The following SLC12A2 variants were observed in gnomAD, a reference collection of about 807,000 sequenced individuals.
SLC12A2 encodes Na-K-2Cl cotransporter 1.
SLC12A2 carries 67 observed loss-of-function variants against 136.3 expected under a neutral mutation model. The observed-to-expected ratio is 0.49, with a 90% CI of 0.40 to 0.60. The LOEUF (loss-of-function observed/expected upper bound fraction) is 0.60. Among genes scored for constraint, SLC12A2 ranks in the 20% least tolerant of loss-of-function variants. The pLI is 0.00. For synonymous variants in SLC12A2, 619 were observed against 562.9 expected, an observed-to-expected ratio of 1.10 and a Z score of -1.41; for missense variants, 1,322 against 1,534.7, an observed-to-expected ratio of 0.86 and a Z score of 2.32.
In SLC12A2 at chr5:128,111,781, AG is replaced by A. The variant is rs202033837; in HGVS notation, c.757-1032del. On this transcript the variant is annotated intron_variant, in intron 1 of 26. Coordinates refer to ENST00000262461, the MANE Select transcript of SLC12A2 (RefSeq NM_001046.3). Reference sequence around the variant, plus strand: ...CTCCATCTCAAAAAAAAAAAAAAAAAGTGTACGCATATATATATGTGTGTGT... The same window carrying A: ...CTCCATCTCAAAAAAAAAAAAAAAAATGTACGCATATATATATGTGTGTGT... 3.0e-3 allele frequency among the ~76,000 whole-genome samples: 450 copies of A among 148,376 alleles called. 1 individual carries two copies. Among genetic ancestry groups the A allele is most frequent in the African/African-American group, 0.011 (418 of 39,002 alleles).
intron 19 of SLC12A2, among the ~76,000 whole-genome samples, chr5:128,174,307 T>G (rs1172031774): frequency 6.6e-6 from 1 of 152,126 alleles, no homozygotes; most frequent in African/African-American, 2.4e-5. Context: ...GAGCATCATG[T>G]TAGGCATGTA....
rs566256689 is a variant in SLC12A2 at position 128,118,377 on chromosome 5, A to G, written c.1048+3696A>G. Among the ~76,000 whole-genome samples, 30 of 152,338 alleles carry G rather than the reference A, an allele frequency of 2.0e-4. 1 individual carries two copies. In the South Asian group the frequency reaches 5.0e-3, roughly 25 times the overall value. On this transcript the variant is annotated intron_variant, in intron 4 of 26. Coordinates refer to ENST00000262461, the MANE Select transcript of SLC12A2 (RefSeq NM_001046.3). ...AAATGTGGTATATATACACCATGGA[A>G]TACTATTCAGCCATCAAAAGGAATG...
chr5:128,161,827 C>T, intron 17 of SLC12A2, 27 bp downstream of exon 17: 2 of 1,371,070 alleles, frequency 1.5e-6, no homozygotes, highest in Non-Finnish European at 1.9e-6. Flanking sequence ...TTTTCAAATG[C>T]CTACATTTTA....
chr5:128,148,372 G>A (rs1169978991), intron 11 of SLC12A2, among the ~76,000 whole-genome samples: 1 of 151,762 alleles, frequency 6.6e-6, no homozygotes, highest in Admixed American at 6.6e-5. Flanking sequence ...AAGAAAGGTA[G>A]TTAAGTGTTA....
chr5:128,141,051 G>A (rs1762350290), intron 9 of SLC12A2, among the ~76,000 whole-genome samples: 1 of 151,954 alleles, frequency 6.6e-6, no homozygotes, highest in Non-Finnish European at 1.5e-5. Context: ...TATAAGGAAT[G>A]GTAATTACCA....
At chr5:128,126,353 C>A (rs1761795055) in intron 4 of SLC12A2, among the ~76,000 whole-genome samples, 2 of 152,076 alleles carry the variant, frequency 1.3e-5, no homozygotes, top group Admixed American at 1.3e-4. Flanking sequence ...CAGAGAAATG[C>A]AAATCATATA....
rs76464153 is a variant in SLC12A2 at position 128,144,243 on chromosome 5, G to A, written c.1773+2262G>A. Reference sequence around the variant, plus strand: ...ACTCATTCGAGCAAAGAGGAATTTGGTATAAGTAAAGCTGCTTTTCTTATT... The same window carrying A: ...ACTCATTCGAGCAAAGAGGAATTTGATATAAGTAAAGCTGCTTTTCTTATT... On this transcript the variant is annotated intron_variant, in intron 10 of 26. Transcript: ENST00000262461. Among the ~76,000 whole-genome samples the A allele has an allele frequency of 3.3e-5, 5 of 152,236 alleles. No homozygotes were observed. The East Asian group carries it at 7.7e-4, about 24-fold the overall frequency.
At chr5:128,087,555 G>A (rs143043851) in intron 1 of SLC12A2, among the ~76,000 whole-genome samples, 2 of 152,192 alleles carry the variant, frequency 1.3e-5, no homozygotes, top group East Asian at 3.8e-4. Flanking sequence ...AAGGGACAGC[G>A]CACATGAAGG....
At chr5:128,185,474 G>A (rs1763837818) in intron 26 of SLC12A2, among the ~76,000 whole-genome samples, 1 of 151,948 alleles carries the variant, frequency 6.6e-6, no homozygotes, top group Non-Finnish European at 1.5e-5. Flanking sequence ...CACAAAAAAA[G>A]CCAAGTAATG....
intron 4 of SLC12A2, among the ~76,000 whole-genome samples, chr5:128,121,774 T>C (rs1050696742): frequency 6.6e-5 from 10 of 152,216 alleles, no homozygotes; most frequent in African/African-American, 2.4e-4. Context: ...TTAATGCTTT[T>C]CAGATTATTG....
At chr5:128,104,197 T>C (rs1341615048) in intron 1 of SLC12A2, among the ~76,000 whole-genome samples, 1 of 151,976 alleles carries the variant, frequency 6.6e-6, no homozygotes, top group Non-Finnish European at 1.5e-5. Flanking sequence ...CTAATGAGGA[T>C]TTTTTAATTG....
In SLC12A2 at chr5:128,109,910, A is replaced by G. The variant is rs1761082783; in HGVS notation, c.757-2904A>G. The G allele has an allele frequency of 8.7e-6, 7 of 804,394 alleles. No individual in the cohort carries two copies. In the East Asian group the frequency reaches 1.7e-4, roughly 20 times the overall value. The allele number at this position is 804,394 out of a possible 1,614,324, so 49.8% of individuals were successfully genotyped here. ...GAATTGTGACTGGCCTTTGCAAGATAGTGCAGCCTGGCTACGGGGGATGAA... is the reference window on the plus strand; with the variant it reads ...GAATTGTGACTGGCCTTTGCAAGATGGTGCAGCCTGGCTACGGGGGATGAA... On this transcript the variant is annotated intron_variant, in intron 1 of 26. Coordinates refer to ENST00000262461, the MANE Select transcript of SLC12A2 (RefSeq NM_001046.3).
chr5:128,091,418 T>A (rs1760313254), intron 1 of SLC12A2, among the ~76,000 whole-genome samples: 2 of 152,188 alleles, frequency 1.3e-5, no homozygotes, highest in South Asian at 4.1e-4. Flanking sequence ...ATTTTTAGCG[T>A]AAAAATGTGC....
chr5:128,133,523 C>T (rs2126701136), intron 5 of SLC12A2, among the ~76,000 whole-genome samples: 1 of 152,094 alleles, frequency 6.6e-6, no homozygotes, highest in African/African-American at 2.4e-5. Flanking sequence ...AGAATATAGT[C>T]GTCCTGAGTT....
chr5:128,110,737 G>A (rs376567633), intron 1 of SLC12A2: 34 of 1,455,896 alleles, frequency 2.3e-5, no homozygotes, highest in East Asian at 4.5e-5. Flanking sequence ...CAACCTGAGC[G>A]ATCTGCTAGA....
chr5:128,110,832 GGAT>G, intron 1 of SLC12A2: 1 of 1,473,432 alleles, frequency 6.8e-7, no homozygotes, highest in Non-Finnish European at 9.5e-7. Flanking sequence ...ATAATCTCAT[GGAT>G]GATGACATAT....
intron 19 of SLC12A2, among the ~76,000 whole-genome samples, chr5:128,172,489 C>T (rs937693003): frequency 1.3e-5 from 2 of 152,248 alleles, no homozygotes; most frequent in Non-Finnish European, 2.9e-5. Context: ...CTACAGAGGT[C>T]TCCCTATGTG....
At position 128,134,205 on chromosome 5, in the gene SLC12A2, G is replaced by C; in HGVS notation, c.1229G>C (p.Arg410Pro). The change falls in exon 6 of 27, where the codon CGA becomes CCA. Residue 410 changes from arginine to proline, a missense_variant. By Grantham distance (103) the Arg-to-Pro change is moderately radical. This residue lies in a region of SLC12A2 where 110 missense variants were observed against 114.5 expected (regional missense o/e 0.96). Coordinates refer to ENST00000262461, the MANE Select transcript of SLC12A2 (RefSeq NM_001046.3). Reference sequence around the variant, plus strand: ...ATGATAGATGAAATCAATGATATCCGAATTATTGGAGCCATTACAGTCGTG... The same window carrying C: ...ATGATAGATGAAATCAATGATATCCCAATTATTGGAGCCATTACAGTCGTG... ...ILMIDEINDI[R>P]IIGAITVVIL... The C allele has an allele frequency of 6.2e-7, 1 of 1,605,708 alleles. No homozygotes were observed. The highest frequency in any genetic ancestry group is 8.5e-7 in the Non-Finnish European group (1 of 1,172,998).
chr5:128,085,965 T>C (rs1760086005), intron 1 of SLC12A2, among the ~76,000 whole-genome samples: 2 of 152,232 alleles, frequency 1.3e-5, no homozygotes, highest in South Asian at 4.1e-4. Flanking sequence ...CTAAAACATT[T>C]TTTATTCATA....
Sources: gnomAD v4.1 joint callset for allele counts (sites outside exome capture counted in the v4.1 genomes callset) on GRCh38, gnomAD v4.1.1 for gene constraint, gnomAD v4.1.1 regional missense constraint, MANE v1.5 for transcripts, NCBI Gene and HGNC (gene_info 2026-07-23, HGNC 2026-07-21) for gene names.